Variants in DOCK10 observed in about 807,000 individuals in gnomAD.
DOCK10 encodes the protein dedicator of cytokinesis protein 10.
DOCK10 carries 145 observed loss-of-function variants against 280.1 expected under a neutral mutation model. The ratio of observed to expected loss-of-function variants is 0.52; its 90% CI spans 0.45 to 0.59. The LOEUF is 0.59. Ranked by LOEUF, DOCK10 falls within the 20% of genes least tolerant of loss-of-function variation. The pLI, the probability that DOCK10 is intolerant of heterozygous loss-of-function variation, is 0.00. For missense variants in DOCK10, 2,368 were observed against 2,651.7 expected, an observed-to-expected ratio of 0.89 and a Z score of 2.35; for synonymous variants, 915 against 942.2, an observed-to-expected ratio of 0.97 and a Z score of 0.53.
At chr2:224,803,993 T>C (rs930843372) in intron 39 of DOCK10, 119 bp downstream of exon 39, 7 of 586,306 alleles carry the variant, frequency 1.2e-5, no homozygotes, top group Middle Eastern at 2.6e-4. Flanking sequence ...AATATATAAA[T>C]AGAAATATGT....
chr2:224,891,779 C>G (rs9288593), intron 4 of DOCK10, among the ~76,000 whole-genome samples: 60,855 of 151,678 alleles, frequency 0.4, 14,932 homozygotes, highest in African/African-American at 0.69. Context: ...AGACCAGAGA[C>G]TGTCAATTTA....
intron 11 of DOCK10, among the ~76,000 whole-genome samples, chr2:224,873,594 CAAAAAA>C (rs35401247): frequency 3.0e-5 from 1 of 33,656 alleles, no homozygotes; most frequent in Non-Finnish European, 5.6e-5. Flanking sequence ...AAGACCATCT[CAAAAAA>C]AAAAAAAAAA....
At chr2:224,995,670 A>C (rs146809458) in intron 1 of DOCK10, among the ~76,000 whole-genome samples, 1 of 152,210 alleles carries the variant, frequency 6.6e-6, no homozygotes, top group Admixed American at 6.5e-5. Flanking sequence ...TAAGTCATCA[A>C]TTGCTGGAGA....
At chr2:224,836,582 C>T (rs948135233) in intron 25 of DOCK10, among the ~76,000 whole-genome samples, 2 of 151,842 alleles carry the variant, frequency 1.3e-5, no homozygotes, top group Non-Finnish European at 2.9e-5. Flanking sequence ...CTGGTTACTT[C>T]CTTTTATGGG....
intron 1 of DOCK10, among the ~76,000 whole-genome samples, chr2:224,961,116 C>T (rs888776760): frequency 1.3e-5 from 2 of 152,188 alleles, no homozygotes; most frequent in African/African-American, 2.4e-5. Flanking sequence ...AAAGCCAGGT[C>T]TGATCAAGTT....
intron 50 of DOCK10, among the ~76,000 whole-genome samples, chr2:224,780,496 T>C (rs917698989): frequency 2.0e-5 from 3 of 152,236 alleles, no homozygotes; most frequent in African/African-American, 4.8e-5. Flanking sequence ...TTTTTCTTTT[T>C]CACCATAGTG....
chr2:224,793,991 C>T (rs1692383784), intron 45 of DOCK10, among the ~76,000 whole-genome samples: 1 of 152,214 alleles, frequency 6.6e-6, no homozygotes, highest in Non-Finnish European at 1.5e-5. Flanking sequence ...ATATTTTAAT[C>T]TGTCTCTTAT....
intron 2 of DOCK10, among the ~76,000 whole-genome samples, chr2:224,931,222 T>C (rs1702352087): frequency 1.3e-5 from 2 of 152,194 alleles, no homozygotes; most frequent in South Asian, 4.1e-4. Context: ...CAGTTAGAAA[T>C]GGCTGAGGGA....
Position 224,836,171 on chromosome 2 carries a change from G to A in DOCK10, c.2850+1591C>T, listed in dbSNP as rs115036676. ...TCAGTAACTTTTTTTCTCTTTCTCA[G>A]TCCCTTTAAGGATTGAAATGAAACA... On this transcript the variant is annotated intron_variant, in intron 25 of 55. Coordinates refer to ENST00000258390, the MANE Select transcript of DOCK10 (RefSeq NM_014689.3). Among the ~76,000 whole-genome samples the A allele has an allele frequency of 4.4e-3, 668 of 152,284 alleles. 9 individuals carry two copies. The highest frequency in any genetic ancestry group is 0.015 in the African/African-American group (630 of 41,568).
At chr2:224,892,882 A>G (rs1699780067) in intron 4 of DOCK10, among the ~76,000 whole-genome samples, 1 of 152,224 alleles carries the variant, frequency 6.6e-6, no homozygotes, top group Non-Finnish European at 1.5e-5. Flanking sequence ...GCTCAGTCAC[A>G]TGTCTGTGGG....
rs919945011 is a variant in DOCK10 at position 225,042,068 on chromosome 2, C to T, written c.123+184G>A. On this transcript the variant is annotated intron_variant, in intron 1 of 55. Transcript: ENST00000258390. This position sits in a 1 kb window ranked among gnomAD's most constrained non-coding sequence, Gnocchi z 5.1. ...AAACGCGCCCCCGGTCCTTACGCGT[C>T]GGTGGCGCTGCCTCGCTGAGGTGGC... 6.6e-6 allele frequency among the ~76,000 whole-genome samples: 1 copy of T among 152,330 alleles called. No individual in the cohort carries two copies. The highest frequency in any genetic ancestry group is 1.9e-4 in the East Asian group (1 of 5,162).
intron 1 of DOCK10, among the ~76,000 whole-genome samples, chr2:224,996,023 T>C (rs1285069885): frequency 2.0e-5 from 3 of 152,236 alleles, no homozygotes; most frequent in African/African-American, 4.8e-5. Flanking sequence ...TTGAGTCAAC[T>C]AGTAAGTTAT....
At chr2:224,962,536 T>C (rs1384684298) in intron 1 of DOCK10, among the ~76,000 whole-genome samples, 1 of 152,216 alleles carries the variant, frequency 6.6e-6, no homozygotes, top group African/African-American at 2.4e-5. Context: ...GCATTAGTAC[T>C]CACATCTCCT....
chr2:224,804,093 C>A lies in DOCK10; in HGVS notation c.4268+19G>T. ...CACAGCTATATATAATTTTAAATAC[C>A]AAGCAAATGTGACATTACCATTGTG... On this transcript the variant is annotated intron_variant, in intron 39 of 55. Transcript: ENST00000258390. 1 of 1,531,776 alleles carries A rather than the reference C, an allele frequency of 6.5e-7. No individual in the cohort carries two copies. Among genetic ancestry groups the A allele is most frequent in the South Asian group, 1.1e-5 (1 of 88,538 alleles). 94.9% of individuals were successfully genotyped at this position (1,531,776 alleles called of 1,614,324 possible).
At chr2:224,980,391 T>C (rs752049443) in intron 1 of DOCK10, among the ~76,000 whole-genome samples, 45 of 152,246 alleles carry the variant, frequency 3.0e-4, no homozygotes, top group Non-Finnish European at 6.0e-4. Context: ...AGTGTCACAA[T>C]TGTAGTATAG....
chr2:224,878,804 A>G (rs555309160), intron 7 of DOCK10, among the ~76,000 whole-genome samples: 151 of 152,198 alleles, frequency 9.9e-4, no homozygotes, highest in Non-Finnish European at 1.7e-3. Flanking sequence ...TTATAATGGC[A>G]GTCCCAGGCC....
intron 1 of DOCK10, among the ~76,000 whole-genome samples, chr2:225,039,641 G>T (rs145114415): frequency 6.6e-6 from 1 of 152,000 alleles, no homozygotes; most frequent in African/African-American, 2.4e-5. Context: ...GCATCTCCTT[G>T]ATCTCTCCTC....
chr2:224,822,494 G>A (rs889472164), intron 28 of DOCK10, among the ~76,000 whole-genome samples: 4 of 152,134 alleles, frequency 2.6e-5, no homozygotes, highest in Admixed American at 6.5e-5. Context: ...CAGCACTTAG[G>A]GAGGCCAATC....
intron 39 of DOCK10, 55 bp from the exon 40 acceptor site, chr2:224,802,095 T>C: frequency 1.9e-6 from 3 of 1,564,638 alleles, no homozygotes; most frequent in Non-Finnish European, 2.6e-6. Flanking sequence ...TATAGCCAAA[T>C]AACACTTGTT....
Sources: gnomAD v4.1 joint callset for allele counts (sites outside exome capture counted in the v4.1 genomes callset) on GRCh38, gnomAD v4.1.1 for gene constraint, Gnocchi (gnomAD v3.1) non-coding constraint, MANE v1.5 for transcripts, NCBI Gene and HGNC (gene_info 2026-07-23, HGNC 2026-07-21) for gene names.